The following RRBP1 variants were observed in gnomAD, a reference collection of about 807,000 sequenced individuals.
RRBP1 encodes ribosome-binding protein 1.
RRBP1 carries 94 observed loss-of-function variants against 165.2 expected under a neutral mutation model. The ratio of observed to expected loss-of-function variants is 0.57; its 90% CI spans 0.48 to 0.68. RRBP1 has a LOEUF of 0.68. Ranked by LOEUF, RRBP1 falls within the 30% of genes least tolerant of loss-of-function variation. The pLI, the probability that RRBP1 is intolerant of heterozygous loss-of-function variation, is 0.00. For synonymous variants in RRBP1, 680 were observed against 714.5 expected (o/e 0.95, Z 0.77); for missense variants, 1,676 against 1,763.0 (o/e 0.95, Z 0.88).
At chr20:17,630,194 T>G (rs2036121584) in intron 8 of RRBP1, among the ~76,000 whole-genome samples, 1 of 152,232 alleles carries the variant, frequency 6.6e-6, no homozygotes, top group Non-Finnish European at 1.5e-5. Context: ...CACTTCCCAG[T>G]TCTTTTCTGA....
At chr20:17,678,452 G>C (rs12625382) in intron 2 of RRBP1, among the ~76,000 whole-genome samples, 1 of 152,304 alleles carries the variant, frequency 6.6e-6, no homozygotes, top group East Asian at 1.9e-4. Flanking sequence ...CACACAAAGA[G>C]GCGGGACTAA....
chr20:17,619,746 C>T lies in RRBP1; in HGVS notation c.3580-18G>A, dbSNP rs777357541. The T allele has an allele frequency of 1.8e-5, 28 of 1,567,874 alleles. No individual in the cohort carries two copies. In the East Asian group the frequency reaches 6.1e-4, roughly 34 times the overall value. ...TCCCTCACCTGGACAGATGCACAGA[C>T]ACGCACACGCATGCGCCAGCAGCCT... On this transcript the variant is annotated intron_variant, in intron 18 of 24. Coordinates refer to ENST00000377813, the MANE Select transcript of RRBP1 (RefSeq NM_001365613.2).
chr20:17,655,070 C>T (rs186415778), intron 3 of RRBP1, among the ~76,000 whole-genome samples: 32 of 152,328 alleles, frequency 2.1e-4, no homozygotes, highest in Middle Eastern at 3.4e-3. Flanking sequence ...TTCATCAGTT[C>T]GTTGGAATTC....
intron 2 of RRBP1, among the ~76,000 whole-genome samples, chr20:17,664,542 T>C (rs1024470065): frequency 6.6e-6 from 1 of 152,234 alleles, no homozygotes; most frequent in African/African-American, 2.4e-5. Context: ...CTGAACTCAC[T>C]GGCCCACCTC....
chr20:17,663,122 A>G (rs1000859371), intron 2 of RRBP1, among the ~76,000 whole-genome samples: 4 of 152,202 alleles, frequency 2.6e-5, no homozygotes, highest in African/African-American at 4.8e-5. Context: ...TCGTTTCCCA[A>G]CAACCATGTG....
intron 5 of RRBP1, among the ~76,000 whole-genome samples, chr20:17,640,965 G>A (rs2036345108): frequency 6.6e-6 from 1 of 152,232 alleles, no homozygotes; most frequent in South Asian, 2.1e-4. Context: ...CCGGGATGGA[G>A]AAGGCAGGGA....
chr20:17,624,449 A>G (rs2035976724), intron 13 of RRBP1, 127 bp downstream of exon 13: 1 of 679,182 alleles, frequency 1.5e-6, no homozygotes, highest in Non-Finnish European at 2.7e-6. Flanking sequence ...GTGCCTCTGT[A>G]TGTCTGTCCT....
chr20:17,618,481 G>C, intron 20 of RRBP1, 115 bp downstream of exon 20: 1 of 875,600 alleles, frequency 1.1e-6, no homozygotes, highest in Non-Finnish European at 1.9e-6. Context: ...GGGTGACACT[G>C]TCCCTTCCCT....
rs576543669 is a variant in RRBP1 at position 17,616,791 on chromosome 20, T to C, written c.3808A>G (p.Ile1270Val). The change falls in exon 21 of 25, where the codon ATA becomes GTA. Residue 1270 changes from isoleucine to valine, a missense_variant. Around this residue, in one of 5 missense-constraint regions of RRBP1, gnomAD observed 1,184 missense variants for 1,167.1 expected, o/e 1.01. Transcript: ENST00000377813. ...EMKSHVEDGDIAGAPASSPEA... is the reference protein window; with the variant it reads ...EMKSHVEDGDVAGAPASSPEA... ...GGGGAGGAAGCTGGGGCCCCAGCTA[T>C]GTCACCATCCTCTACGTGGCTCTTC... 41 of 1,613,162 alleles carry C rather than the reference T, an allele frequency of 2.5e-5. No homozygotes were observed. Among genetic ancestry groups the C allele is most frequent in the Admixed American group, 8.4e-5 (5 of 59,870 alleles).
chr20:17,619,714 C>A lies in RRBP1; in HGVS notation c.3594G>T (p.Thr1198=). Residue 1198 remains threonine, a synonymous_variant, in exon 19 of 25, where the codon ACG becomes ACT. Coordinates refer to ENST00000377813, the MANE Select transcript of RRBP1 (RefSeq NM_001365613.2). ...LESSDQVREH[T]SHLEAELEKH... ...TTTCCAGCTCTGCCTCCAAATGCGA[C>A]GTGTGCTCCCTCACCTGGACAGATG... 6.2e-7 allele frequency: 1 copy of A among 1,611,940 alleles called. No homozygotes were observed. The highest frequency in any genetic ancestry group is 8.5e-7 in the Non-Finnish European group (1 of 1,179,194).
At chr20:17,645,058 GGCAGCCCCTGGTCCTACAGAGGTTCCAGA>G in intron 3 of RRBP1, among the ~76,000 whole-genome samples, 1 of 152,166 alleles carries the variant, frequency 6.6e-6, no homozygotes, top group Non-Finnish European at 1.5e-5. Context: ...CTGAATTCCT[GGCAGCCCCTGGTCCTACAGAGGTTCCAGA>G]GTGACCCAAG....
intron 3 of RRBP1, among the ~76,000 whole-genome samples, chr20:17,644,012 C>T (rs1258688503): frequency 6.6e-6 from 1 of 150,798 alleles, no homozygotes; most frequent in East Asian, 2.0e-4. Context: ...AATCAGAGAG[C>T]AGACAGGCCT....
chr20:17,639,005 C>T (rs2122346576), intron 5 of RRBP1, among the ~76,000 whole-genome samples: 1 of 152,352 alleles, frequency 6.6e-6, no homozygotes, highest in East Asian at 1.9e-4. Flanking sequence ...TTCTGTTTCA[C>T]AGCCCCATCT....
rs746356116 is a variant in RRBP1 at position 17,658,623 on chromosome 20, ACTT to A, written c.1882_1884del (p.Lys628del). On this transcript the variant is annotated inframe_deletion, in exon 3 of 25. Transcript: ENST00000377813. ...GGCTCACCTTTTTTCTTTGAACCAG[ACTT>A]CTTCTTGGCAGGAGCCTCTTGCTTT... The A allele has an allele frequency of 2.1e-5, 34 of 1,604,468 alleles. No individual in the cohort carries two copies. Among genetic ancestry groups the A allele is most frequent in the Admixed American group, 1.2e-4 (7 of 57,384 alleles).
In RRBP1 at chr20:17,619,446, G is replaced by A. The variant is rs537909421; in HGVS notation, c.3675+187C>T. On this transcript the variant is annotated intron_variant, in intron 19 of 24. Transcript: ENST00000377813. ...CTGGGAGGCTGCCTTTTTGAAACCT[G>A]CCCTGAGAGACACCTCAGGCCTGAC... The A allele has an allele frequency of 4.4e-5, 21 of 482,648 alleles. No homozygotes were observed. The South Asian group carries it at 7.5e-4, about 17-fold the overall frequency. The allele number at this position is 482,648 out of a possible 1,614,324, so 29.9% of individuals were successfully genotyped here. A position where few individuals can be genotyped will look rare whatever the true frequency, so the allele number is the denominator to read the frequency against.
At chr20:17,624,177 AAGGGAAGGACGGC>A (rs2035967369) in intron 13 of RRBP1, among the ~76,000 whole-genome samples, 1 of 152,198 alleles carries the variant, frequency 6.6e-6, no homozygotes, top group Non-Finnish European at 1.5e-5. Context: ...GCAAGTGAAG[AAGGGAAGGACGGC>A]AGGGAAGGAG....
At chr20:17,663,209 C>T (rs1022411339) in intron 2 of RRBP1, among the ~76,000 whole-genome samples, 22 of 152,146 alleles carry the variant, frequency 1.4e-4, no homozygotes, top group Non-Finnish European at 2.9e-4. Flanking sequence ...ACGCACAAAG[C>T]GGGGCCTGTT....
At position 17,677,068 on chromosome 20, in the gene RRBP1, GAA is replaced by G. The variant is rs11477613; in HGVS notation, c.-22+2929_-22+2930del. On this transcript the variant is annotated intron_variant, in intron 2 of 24. Coordinates refer to ENST00000377813, the MANE Select transcript of RRBP1 (RefSeq NM_001365613.2). Reference sequence around the variant, plus strand: ...CAGCCCAAAAAATCTAGATTTTAGTGAAAAAAAAAAAAAAAATTCCACTTTTA... The same window carrying G: ...CAGCCCAAAAAATCTAGATTTTAGTGAAAAAAAAAAAAAATTCCACTTTTA... Among the ~76,000 whole-genome samples, 384 of 141,230 alleles carry G rather than the reference GAA, an allele frequency of 2.7e-3. 2 individuals carry two copies. Among genetic ancestry groups the G allele is most frequent in the African/African-American group, 7.1e-3 (267 of 37,420 alleles). The allele number at this position is 141,230 out of a possible 152,430, so 92.7% of individuals were successfully genotyped here.
At chr20:17,634,907 C>A (rs1488354835) in intron 7 of RRBP1, among the ~76,000 whole-genome samples, 1 of 152,204 alleles carries the variant, frequency 6.6e-6, no homozygotes, top group African/African-American at 2.4e-5. Flanking sequence ...CCACACTGGA[C>A]TTCCCCTGAC....
Sources: allele counts gnomAD v4.1 joint callset (sites outside exome capture counted in the v4.1 genomes callset), GRCh38; gene constraint gnomAD v4.1.1; regional missense constraint gnomAD v4.1.1; transcripts MANE v1.5; gene names NCBI Gene and HGNC (gene_info 2026-07-23, HGNC 2026-07-21).